Variants in THAP4 observed in about 807,000 individuals in gnomAD.
The protein encoded by THAP4 is peroxynitrite isomerase THAP4.
THAP4 carries 18 observed loss-of-function variants against 48.1 expected under a neutral mutation model. The observed-to-expected ratio is 0.37, with a 90% CI of 0.26 to 0.56. The LOEUF is 0.56. THAP4 is among the 20% of genes least tolerant of loss of function. The probability of loss-of-function intolerance (pLI) is 0.78; values close to 1 mark genes in which losing one functional copy is unlikely to be tolerated. For synonymous variants in THAP4, 345 were observed against 324.9 expected (o/e 1.06, Z -0.66); for missense variants, 656 against 774.9 (o/e 0.85, Z 1.82).
intron 2 of THAP4, among the ~76,000 whole-genome samples, chr2:241,622,614 T>C (rs903581847): frequency 6.6e-6 from 1 of 152,148 alleles, no homozygotes; most frequent in Non-Finnish European, 1.5e-5. Flanking sequence ...AGTTTTCTTT[T>C]TTTGAGATAG....
At chr2:241,635,493 G>A (rs970953537) in intron 1 of THAP4, among the ~76,000 whole-genome samples, 1 of 152,230 alleles carries the variant, frequency 6.6e-6, no homozygotes, top group Non-Finnish European at 1.5e-5. Context: ...GGTGGCTTAT[G>A]CCTGTAATCC....
chr2:241,595,425 G>A (rs576161651), intron 5 of THAP4, among the ~76,000 whole-genome samples: 1 of 151,972 alleles, frequency 6.6e-6, no homozygotes, highest in Non-Finnish European at 1.5e-5. Context: ...ATCACCTAAG[G>A]TCAGGAGTTC....
intron 2 of THAP4, among the ~76,000 whole-genome samples, chr2:241,608,716 G>C (rs1367932852): frequency 6.6e-6 from 1 of 152,166 alleles, no homozygotes; most frequent in Non-Finnish European, 1.5e-5. Flanking sequence ...TCCTAGCGAG[G>C]GCAGACAATA....
At position 241,600,644 on chromosome 2, in the gene THAP4, C is replaced by A. The variant is rs971934584; in HGVS notation, c.1614+1252G>T. ...TCGGGAGGCTGAGGCAGGAGAATGG[C>A]GTGAACCCAGGAGGCAGAACATGCA... On this transcript the variant is annotated intron_variant, in intron 5 of 5. Transcript: ENST00000407315. Among the ~76,000 whole-genome samples, 3 of 148,070 alleles carry A rather than the reference C, an allele frequency of 2.0e-5. No individual in the cohort carries two copies. The Admixed American group carries it at 2.1e-4, about 10-fold the overall frequency.
At chr2:241,585,912 C>CAAAAAAAAAAAAAAAAAAAAAAA (rs1175852721) in intron 5 of THAP4, among the ~76,000 whole-genome samples, 18 of 28,242 alleles carry the variant, frequency 6.4e-4, no homozygotes, top group East Asian at 4.0e-3. Context: ...GACTCCTTCT[C>CAAAAAAAAAAAAAAAAAAAAAAA]AAAAAAAAAA....
intron 2 of THAP4, among the ~76,000 whole-genome samples, chr2:241,622,236 G>A (rs966023709): frequency 2.6e-5 from 4 of 152,126 alleles, no homozygotes; most frequent in Non-Finnish European, 4.4e-5. Context: ...CTGGTGGCGG[G>A]CGCCTGTGAT....
rs1299643530 is a variant in THAP4 at position 241,612,254 on chromosome 2, G to A, written c.1241-5781C>T. Among the ~76,000 whole-genome samples, 3 of 151,776 alleles carry A rather than the reference G, an allele frequency of 2.0e-5. No individual in the cohort carries two copies. The highest frequency in any genetic ancestry group is 7.3e-5 in the African/African-American group (3 of 41,282). ...AGCGGAACACAGAGGACAGAAATGA[G>A]TTAAAAAAAAAGACAAAAGATAGAG... On this transcript the variant is annotated intron_variant, in intron 2 of 5. Coordinates refer to ENST00000407315, the MANE Select transcript of THAP4 (RefSeq NM_015963.6). The surrounding 1 kb of genome is among the most constrained non-coding windows in gnomAD (Gnocchi z 4.1).
intron 5 of THAP4, among the ~76,000 whole-genome samples, chr2:241,589,220 A>AT (rs2066926921): frequency 6.6e-6 from 1 of 151,586 alleles, no homozygotes; most frequent in South Asian, 2.1e-4. Flanking sequence ...CTCAAAAAAA[A>AT]AAAAGAAAAA....
intron 2 of THAP4, among the ~76,000 whole-genome samples, chr2:241,613,112 A>C (rs1237396602): frequency 6.6e-6 from 1 of 152,148 alleles, no homozygotes; most frequent in Non-Finnish European, 1.5e-5. Flanking sequence ...CACTCTCTAG[A>C]CCTTTTCGAC....
intron 5 of THAP4, among the ~76,000 whole-genome samples, chr2:241,588,590 G>A (rs775378647): frequency 4.6e-5 from 7 of 152,222 alleles, no homozygotes; most frequent in Non-Finnish European, 1.0e-4. Flanking sequence ...ACAGAGAAGA[G>A]TGGGACAGAA....
intron 2 of THAP4, among the ~76,000 whole-genome samples, chr2:241,607,109 G>A (rs186456017): frequency 1.3e-5 from 2 of 152,256 alleles, no homozygotes; most frequent in East Asian, 3.9e-4. Flanking sequence ...ACAGCAGCCT[G>A]TGTAGTGGCC....
chr2:241,598,162 C>T (rs1206795787), intron 5 of THAP4, among the ~76,000 whole-genome samples: 1 of 152,104 alleles, frequency 6.6e-6, no homozygotes, highest in Non-Finnish European at 1.5e-5. Flanking sequence ...GACACTTTTG[C>T]AGGAGAACAT....
At chr2:241,585,646 G>A (rs1304232478) in intron 5 of THAP4, among the ~76,000 whole-genome samples, 3 of 152,082 alleles carry the variant, frequency 2.0e-5, no homozygotes, top group Non-Finnish European at 2.9e-5. Flanking sequence ...GGGTTCAAGG[G>A]GTGGAGGCTG....
intron 2 of THAP4, among the ~76,000 whole-genome samples, chr2:241,607,984 C>A (rs1285499022): frequency 7.2e-6 from 1 of 138,754 alleles, no homozygotes; most frequent in Non-Finnish European, 1.6e-5. Context: ...GGGACGGGAT[C>A]AGGACTGACC....
At chr2:241,607,652 C>CACATCAGGACTGACCCCCGGAG (rs2067199777) in intron 2 of THAP4, among the ~76,000 whole-genome samples, 1 of 150,568 alleles carries the variant, frequency 6.6e-6, no homozygotes, top group Non-Finnish European at 1.5e-5. Flanking sequence ...GACCGGCCTG[C>CACATCAGGACTGACCCCCGGAG]ACATCAGGAC....
intron 3 of THAP4, among the ~76,000 whole-genome samples, chr2:241,605,252 G>A (rs143203412): frequency 5.9e-5 from 9 of 152,198 alleles, no homozygotes; most frequent in Non-Finnish European, 1.2e-4. Flanking sequence ...GGGGATGGAG[G>A]GTCTCAGAGC....
At chr2:241,603,190 A>G (rs2067139432) in intron 3 of THAP4, 111 bp from the exon 4 acceptor site, 2 of 769,618 alleles carry the variant, frequency 2.6e-6, no homozygotes, top group South Asian at 3.0e-5. Flanking sequence ...CTCCAGCCAC[A>G]CCCGCACACC....
intron 1 of THAP4, among the ~76,000 whole-genome samples, chr2:241,636,528 C>CG (rs541810224): frequency 6.6e-6 from 1 of 152,332 alleles, no homozygotes; most frequent in South Asian, 2.1e-4. Flanking sequence ...AAAGCCCTCT[C>CG]GGGGGCTGTC....
rs1319179726 is a variant in THAP4, at chr2:241,610,621, C to T, written c.1241-4148G>A. 6.6e-6 allele frequency among the ~76,000 whole-genome samples: 1 copy of T among 152,070 alleles called. No individual in the cohort carries two copies. The highest frequency in any genetic ancestry group is 1.5e-5 in the Non-Finnish European group (1 of 67,974). On this transcript the variant is annotated intron_variant, in intron 2 of 5. Transcript: ENST00000407315. The surrounding 1 kb of genome is among the most constrained non-coding windows in gnomAD (Gnocchi z 4.2). ...CTTCCCCAGCCACGGGGTCTTCTCC[C>T]GGCCCCTCATCTACTTGGCAGACGC...
Sources: allele counts gnomAD v4.1 joint callset (sites outside exome capture counted in the v4.1 genomes callset), GRCh38; gene constraint gnomAD v4.1.1; non-coding constraint Gnocchi (gnomAD v3.1); transcripts MANE v1.5; gene names NCBI Gene and HGNC (gene_info 2026-07-23, HGNC 2026-07-21).